CTNNA3: variants seen among roughly 807,000 people sequenced by gnomAD.
CTNNA3 encodes catenin alpha-3.
CTNNA3 carries 76 observed loss-of-function variants against 95.7 expected under a neutral mutation model. The observed-to-expected ratio is 0.79, with a 90% confidence interval of 0.66 to 0.96. The LOEUF (loss-of-function observed/expected upper bound fraction) is 0.96. CTNNA3 is among the 40% of genes least tolerant of loss of function. The pLI, the probability that CTNNA3 is intolerant of heterozygous loss-of-function variation, is 0.00. For missense variants in CTNNA3, 1,191 were observed against 1,089.8 expected (o/e 1.09, Z -1.31); for synonymous variants, 431 against 374.4 (o/e 1.15, Z -1.74).
At chr10:67,729,122 A>G (rs1042889015) in intron 1 of CTNNA3, among the ~76,000 whole-genome samples, 2 of 152,160 alleles carry the variant, frequency 1.3e-5, no homozygotes, top group African/African-American at 2.4e-5. Flanking sequence ...TTTGAAGGGA[A>G]AAATACTTTA....
intron 10 of CTNNA3, among the ~76,000 whole-genome samples, chr10:66,546,149 AT>A: frequency 6.6e-6 from 1 of 151,898 alleles, no homozygotes; most frequent in Non-Finnish European, 1.5e-5. Flanking sequence ...CTTATTTCCT[AT>A]TAAAACTTTT....
At chr10:66,071,840 T>C (rs2080441069) in intron 14 of CTNNA3, among the ~76,000 whole-genome samples, 1 of 152,218 alleles carries the variant, frequency 6.6e-6, no homozygotes, top group Non-Finnish European at 1.5e-5. Context: ...CTTTACTCTC[T>C]GCAGTGAATC....
chr10:66,282,450 T>C (rs915133350), intron 12 of CTNNA3, among the ~76,000 whole-genome samples: 3 of 151,830 alleles, frequency 2.0e-5, no homozygotes, highest in Non-Finnish European at 4.4e-5. Flanking sequence ...TACCATATTC[T>C]ATGTTGGTGC....
At chr10:67,262,304 G>T (rs560185601) in intron 5 of CTNNA3, among the ~76,000 whole-genome samples, 1 of 152,162 alleles carries the variant, frequency 6.6e-6, no homozygotes, top group South Asian at 2.1e-4. Context: ...TTATATGCAG[G>T]ATCAAAAGGG....
At chr10:66,933,888 C>T (rs1356439842) in intron 7 of CTNNA3, among the ~76,000 whole-genome samples, 2 of 152,090 alleles carry the variant, frequency 1.3e-5, no homozygotes, top group Admixed American at 6.6e-5. Flanking sequence ...TTTAAGAAGA[C>T]ACAGACTGTT....
intron 13 of CTNNA3, among the ~76,000 whole-genome samples, chr10:66,120,970 G>T (rs900551509): frequency 5.9e-5 from 9 of 152,134 alleles, no homozygotes; most frequent in Non-Finnish European, 1.0e-4. Context: ...AATAACCCAG[G>T]TGCGAAGGCC....
chr10:65,943,719 C>A (rs534605438), intron 17 of CTNNA3, among the ~76,000 whole-genome samples: 1 of 152,276 alleles, frequency 6.6e-6, no homozygotes, highest in African/African-American at 2.4e-5. Flanking sequence ...TATGGGTGAG[C>A]TTTGGAGTCA....
chr10:66,089,893 G>T (rs767155978), intron 14 of CTNNA3, among the ~76,000 whole-genome samples: 1 of 151,780 alleles, frequency 6.6e-6, no homozygotes, highest in Non-Finnish European at 1.5e-5. Context: ...AAAACCAAGC[G>T]AGTTCTGCAT....
intron 13 of CTNNA3, among the ~76,000 whole-genome samples, chr10:66,241,327 A>G (rs2090095632): frequency 6.6e-6 from 1 of 152,166 alleles, no homozygotes; most frequent in Non-Finnish European, 1.5e-5. Flanking sequence ...ATTTTTTCTA[A>G]CAACTCTTTG....
intron 7 of CTNNA3, chr10:66,926,165 G>C (rs1459061072): frequency 6.5e-6 from 3 of 463,306 alleles, no homozygotes; most frequent in Non-Finnish European, 1.3e-5. Context: ...CACGGGAACT[G>C]CTGGGGTATG....
At chr10:67,537,288 GT>G (rs1840515599) in intron 4 of CTNNA3, among the ~76,000 whole-genome samples, 1 of 152,114 alleles carries the variant, frequency 6.6e-6, no homozygotes, top group Non-Finnish European at 1.5e-5. Flanking sequence ...AGTTCCAAAA[GT>G]TTTAATTCTT....
intron 12 of CTNNA3, among the ~76,000 whole-genome samples, chr10:66,338,183 G>A (rs765733470): frequency 1.3e-5 from 2 of 151,990 alleles, no homozygotes; most frequent in Non-Finnish European, 2.9e-5. Context: ...TTTGCTAAGT[G>A]AGAGACGCCA....
chr10:66,479,228 C>T (rs901042316), intron 11 of CTNNA3, among the ~76,000 whole-genome samples: 1 of 151,800 alleles, frequency 6.6e-6, no homozygotes, highest in African/African-American at 2.4e-5. Context: ...GCTCTTAATT[C>T]TCTTTCATTA....
At chr10:67,465,422 A>G (rs1847553991) in intron 5 of CTNNA3, among the ~76,000 whole-genome samples, 1 of 152,134 alleles carries the variant, frequency 6.6e-6, no homozygotes, top group South Asian at 2.1e-4. Context: ...GAGGAAAGGA[A>G]AGGAAAAGAG....
chr10:67,190,810 G>A (rs1415506465), intron 6 of CTNNA3, among the ~76,000 whole-genome samples: 2 of 151,882 alleles, frequency 1.3e-5, no homozygotes, highest in East Asian at 3.9e-4. Context: ...GAAAAAACAA[G>A]ACACAGACTG....
chr10:66,865,598 T>C (rs2132424417), intron 7 of CTNNA3, among the ~76,000 whole-genome samples: 1 of 152,238 alleles, frequency 6.6e-6, no homozygotes, highest in East Asian at 1.9e-4. Context: ...TGTAATCAAA[T>C]AATTGCCATA....
At chr10:66,989,916 T>C (rs888142181) in intron 7 of CTNNA3, among the ~76,000 whole-genome samples, 1 of 152,144 alleles carries the variant, frequency 6.6e-6, no homozygotes, top group Admixed American at 6.6e-5. Flanking sequence ...TGGCATTTAG[T>C]GTTCAAGAAA....
At chr10:66,091,607 A>G (rs952609892) in intron 14 of CTNNA3, among the ~76,000 whole-genome samples, 1 of 151,986 alleles carries the variant, frequency 6.6e-6, no homozygotes, top group African/African-American at 2.4e-5. Flanking sequence ...ACAAGCAAAT[A>G]TGTAATACAT....
intron 15 of CTNNA3, among the ~76,000 whole-genome samples, chr10:66,041,766 TTCTC>T (rs1176593362): frequency 1.3e-5 from 2 of 152,228 alleles, no homozygotes; most frequent in African/African-American, 4.8e-5. Context: ...TTTCTGGTCT[TTCTC>T]TATTGTCATC....
Sources: gnomAD v4.1 joint callset for allele counts (sites outside exome capture counted in the v4.1 genomes callset) on GRCh38, gnomAD v4.1.1 for gene constraint, MANE v1.5 for transcripts, NCBI Gene and HGNC (gene_info 2026-07-23, HGNC 2026-07-21) for gene names.